RNASEH1: variants seen among roughly 807,000 people sequenced by gnomAD.
RNASEH1 encodes ribonuclease H1, also known as ribonuclease H type II.
RNASEH1 carries 27 observed loss-of-function variants against 34.6 expected under a neutral mutation model. The observed-to-expected ratio is 0.78, with a 90% CI of 0.58 to 1.08. The LOEUF (loss-of-function observed/expected upper bound fraction) is 1.08, where lower values mean the gene tolerates loss of function less well. Among genes scored for constraint, RNASEH1 ranks in the 50% least tolerant of loss-of-function variants. The probability of loss-of-function intolerance (pLI) is 0.00; values close to 1 mark genes in which losing one functional copy is unlikely to be tolerated. For synonymous variants in RNASEH1, 162 were observed against 138.4 expected (o/e 1.17, Z -1.20); for missense variants, 349 against 373.6 (o/e 0.93, Z 0.54).
chr2:3,536,555 G>A (rs113759432), downstream of RNASEH1, among the ~76,000 whole-genome samples: 3,498 of 152,242 alleles, frequency 0.023, 56 homozygotes, highest in Non-Finnish European at 0.034. Flanking sequence ...CTGTCCACAG[G>A]CCCCACCCCT....
At chr2:3,550,301 G>A (rs1378413387) in intron 4 of RNASEH1, 72 bp downstream of exon 4, 2 of 1,237,868 alleles carry the variant, frequency 1.6e-6, no homozygotes, top group African/African-American at 1.5e-5. Flanking sequence ...ATCAAACAAT[G>A]AGCAGATCCC....
downstream of RNASEH1, chr2:3,536,826 G>C (rs1668010950): frequency 6.6e-6 from 1 of 152,302 alleles, no homozygotes; most frequent in Non-Finnish European, 1.5e-5. Flanking sequence ...CAAGTCTCAG[G>C]TCAAGGTTCC....
intron 6 of RNASEH1, among the ~76,000 whole-genome samples, chr2:3,548,376 T>C (rs1013791341): frequency 6.6e-6 from 1 of 152,238 alleles, no homozygotes; most frequent in Non-Finnish European, 1.5e-5. Context: ...ACACGCCATC[T>C]TAAGTGACTT....
At chr2:3,549,181 A>G (rs1164510076) in intron 4 of RNASEH1, 69 bp from the exon 5 acceptor site, 11 of 1,168,028 alleles carry the variant, frequency 9.4e-6, no homozygotes, top group South Asian at 1.3e-5. Flanking sequence ...TTCTTAATGG[A>G]TAACGATAAA....
At chr2:3,556,399 G>A (rs536408448) in intron 2 of RNASEH1, among the ~76,000 whole-genome samples, 46 of 148,922 alleles carry the variant, frequency 3.1e-4, no homozygotes, top group African/African-American at 1.1e-3. Context: ...TCCACTTCTC[G>A]GGCTCAAGCA....
chr2:3,542,633 C>T lies in RNASEH1; in HGVS notation c.*3152G>A, dbSNP rs1668395912. On this transcript the variant is annotated 3_prime_UTR_variant, in exon 8 of 8. Coordinates refer to ENST00000315212, the MANE Select transcript of RNASEH1 (RefSeq NM_002936.6). ...GTAGACACAGTGCTGTTTTCATCATCACAATTAATGCTATGGTATTAGTAT... is the reference window on the plus strand; with the variant it reads ...GTAGACACAGTGCTGTTTTCATCATTACAATTAATGCTATGGTATTAGTAT... Among the ~76,000 whole-genome samples the T allele has an allele frequency of 6.6e-6, 1 of 152,106 alleles. No homozygotes were observed. Among genetic ancestry groups the T allele is most frequent in the African/African-American group, 2.4e-5 (1 of 41,408 alleles).
chr2:3,535,124 A>C, the RNASEH1 span, among the ~76,000 whole-genome samples: 1 of 152,046 alleles, frequency 6.6e-6, no homozygotes, highest in Admixed American at 6.6e-5. Flanking sequence ...ACACTTAAAA[A>C]CGGCTAAGAT....
At chr2:3,551,253 G>C (rs1659876372) in intron 3 of RNASEH1, among the ~76,000 whole-genome samples, 1 of 152,256 alleles carries the variant, frequency 6.6e-6, no homozygotes, top group South Asian at 2.1e-4. Context: ...GCCAAGGGGA[G>C]TGTGGGTGTT....
chr2:3,548,992 A>G, intron 5 of RNASEH1, 66 bp downstream of exon 5: 1 of 1,238,000 alleles, frequency 8.1e-7, no homozygotes, highest in Non-Finnish European at 1.2e-6. Context: ...AAAAAGAATT[A>G]GTTTATTTGA....
chr2:3,553,748 C>G (rs1660221288), intron 2 of RNASEH1, among the ~76,000 whole-genome samples: 2 of 151,790 alleles, frequency 1.3e-5, no homozygotes, highest in African/African-American at 4.9e-5. Context: ...ATCTCACTCA[C>G]TGGGTAATAC....
intron 2 of RNASEH1, among the ~76,000 whole-genome samples, chr2:3,554,305 G>A (rs532996039): frequency 9.2e-5 from 14 of 152,186 alleles, no homozygotes; most frequent in East Asian, 1.9e-4. Context: ...ACCTTAACAC[G>A]GATATAAACA....
Position 3,544,120 on chromosome 2 carries a change from G to C in RNASEH1, c.*1665C>G, listed in dbSNP as rs1015479077. ...AAACCATTCCAGCTAATAAAGGCAA[G>C]CAAAACGACAGAATGAGAATACCAC... On this transcript the variant is annotated 3_prime_UTR_variant, in exon 8 of 8. Transcript: ENST00000315212. Among the ~76,000 whole-genome samples, 6 of 152,300 alleles carry C rather than the reference G, an allele frequency of 3.9e-5. No individual in the cohort carries two copies. Among genetic ancestry groups the C allele is most frequent in the African/African-American group, 1.4e-4 (6 of 41,542 alleles).
intron 3 of RNASEH1, among the ~76,000 whole-genome samples, chr2:3,551,875 T>A (rs1482533650): frequency 6.6e-6 from 1 of 152,246 alleles, no homozygotes; most frequent in African/African-American, 2.4e-5. Flanking sequence ...ATCTTAACGT[T>A]AAGTACTGCA....
chr2:3,554,908 A>G (rs1660335215), intron 2 of RNASEH1, among the ~76,000 whole-genome samples: 1 of 152,254 alleles, frequency 6.6e-6, no homozygotes, highest in African/African-American at 2.4e-5. Context: ...GAGGCGGCTC[A>G]GCATTACTGC....
chr2:3,537,583 TG>T (rs1191934420), downstream of RNASEH1, among the ~76,000 whole-genome samples: 1 of 152,034 alleles, frequency 6.6e-6, no homozygotes, highest in Non-Finnish European at 1.5e-5. Flanking sequence ...TAGCTGGGAA[TG>T]GTGGCACACA....
chr2:3,550,505 G>A (rs375629523), intron 3 of RNASEH1, 33 bp from the exon 4 acceptor site: 74 of 1,543,532 alleles, frequency 4.8e-5, no homozygotes, highest in Middle Eastern at 1.7e-4. Context: ...CTGCTGGGCT[G>A]ACCTTACTAA....
chr2:3,546,506 C>A (rs1668767592), intron 7 of RNASEH1, among the ~76,000 whole-genome samples: 2 of 152,172 alleles, frequency 1.3e-5, no homozygotes, highest in Non-Finnish European at 2.9e-5. Context: ...ACAAAATACA[C>A]TGATAGTTTT....
At chr2:3,553,833 A>G (rs983761027) in intron 2 of RNASEH1, among the ~76,000 whole-genome samples, 2 of 152,330 alleles carry the variant, frequency 1.3e-5, no homozygotes, top group Non-Finnish European at 2.9e-5. Context: ...TATACCTTTT[A>G]TCAGCTGCGA....
At chr2:3,556,938 C>T in intron 1 of RNASEH1, 34 bp from the exon 2 acceptor site, 1 of 1,436,870 alleles carries the variant, frequency 7.0e-7, no homozygotes. Context: ...TTCCTTCTTC[C>T]TTCTCTAACT....
Sources: gnomAD v4.1 joint callset for allele counts (sites outside exome capture counted in the v4.1 genomes callset) on GRCh38, gnomAD v4.1.1 for gene constraint, MANE v1.5 for transcripts, NCBI Gene and HGNC (gene_info 2026-07-23, HGNC 2026-07-21) for gene names.